RICTOR: variants seen among roughly 807,000 people sequenced by gnomAD.
The protein encoded by RICTOR is RPTOR independent companion of MTOR complex 2, also known as rapamycin-insensitive companion of mTOR.
In RICTOR, 49 loss-of-function variants were observed where a neutral mutation model predicts 214.9. The observed-to-expected ratio is 0.23, with a 90% CI of 0.18 to 0.29. The LOEUF is 0.29. RICTOR is among the 10% of genes least tolerant of loss of function. The probability of loss-of-function intolerance (pLI) is 1.00; values close to 1 mark genes in which losing one functional copy is unlikely to be tolerated. For synonymous variants in RICTOR, 717 were observed against 711.3 expected, an observed-to-expected ratio of 1.01 and a Z score of -0.13; for missense variants, 1,625 against 2,047.0, an observed-to-expected ratio of 0.79 and a Z score of 3.98.
intron 2 of RICTOR, among the ~76,000 whole-genome samples, chr5:39,053,504 T>C (rs1316241052): frequency 1.3e-5 from 2 of 152,170 alleles, no homozygotes; most frequent in Non-Finnish European, 2.9e-5. Context: ...GCTCATGCTA[T>C]AGCCTCTTTA....
At chr5:38,970,078 T>G (rs749347286) in intron 11 of RICTOR, 10 of 152,230 alleles carry the variant, frequency 6.6e-5, no homozygotes, top group Non-Finnish European at 1.3e-4. Flanking sequence ...TACAGTAACA[T>G]GCTATACAGG....
intron 11 of RICTOR, chr5:38,969,895 T>G (rs1750624940): frequency 6.6e-6 from 1 of 152,080 alleles, no homozygotes; most frequent in Non-Finnish European, 1.5e-5. Flanking sequence ...CTCGATCTCC[T>G]GATCTCATGA....
At position 38,945,474 on chromosome 5, in the gene RICTOR, G is replaced by A; in HGVS notation, c.4633+17C>T. The stretch of plus-strand genomic sequence containing the variant: ...GTCATCACTAGGTTTTTCTGAAGGT[G>A]GGACGTGATCACTTACCTGAATGAC... On this transcript the variant is annotated intron_variant, in intron 34 of 37. Coordinates refer to ENST00000357387, the MANE Select transcript of RICTOR (RefSeq NM_152756.5). 6.5e-7 allele frequency: 1 copy of A among 1,528,018 alleles called. No homozygotes were observed. Among genetic ancestry groups the A allele is most frequent in the Non-Finnish European group, 9.0e-7 (1 of 1,105,084 alleles). The allele number at this position is 1,528,018 out of a possible 1,614,324, so 94.7% of individuals were successfully genotyped here.
At position 39,021,982 on chromosome 5, in the gene RICTOR, A is replaced by G. The variant is rs192761529; in HGVS notation, c.98-846T>C. 6.9e-3 allele frequency among the ~76,000 whole-genome samples: 1,056 copies of G among 152,334 alleles called. 13 individuals are homozygous for G. The highest frequency in any genetic ancestry group is 0.023 in the African/African-American group (937 of 41,574). The stretch of plus-strand genomic sequence containing the variant: ...GTTAGACCTAATTTTTCAACTTTAC[A>G]TGGTGCCAAAGCAATACACATTTAG... On this transcript the variant is annotated intron_variant, in intron 2 of 37. Transcript: ENST00000357387.
intron 7 of RICTOR, among the ~76,000 whole-genome samples, chr5:38,988,919 G>A (rs548815636): frequency 1.3e-5 from 2 of 152,198 alleles, no homozygotes; most frequent in South Asian, 2.1e-4. Flanking sequence ...AATCAATATC[G>A]TGAAAATGGC....
chr5:38,951,794 GA>G (rs1440030773), intron 30 of RICTOR, among the ~76,000 whole-genome samples: 7 of 151,916 alleles, frequency 4.6e-5, no homozygotes, highest in Admixed American at 2.0e-4. Flanking sequence ...CAAAAATGAA[GA>G]TGTGAATATA....
chr5:38,987,194 T>C (rs79719897), intron 7 of RICTOR, among the ~76,000 whole-genome samples: 1 of 152,156 alleles, frequency 6.6e-6, no homozygotes, highest in African/African-American at 2.4e-5. Flanking sequence ...TCTTTTTTTG[T>C]TGTGTCTCTG....
chr5:39,051,007 G>C (rs1757797223), intron 2 of RICTOR, among the ~76,000 whole-genome samples: 1 of 150,914 alleles, frequency 6.6e-6, no homozygotes, highest in African/African-American at 2.4e-5. Flanking sequence ...AAGACATATA[G>C]ATGGATAATC....
Position 38,964,841 on chromosome 5 carries a change from T to C in RICTOR, c.1351A>G (p.Thr451Ala). 6.2e-7 allele frequency: 1 copy of C among 1,609,544 alleles called. No homozygotes were observed. The highest frequency in any genetic ancestry group is 1.1e-5 in the South Asian group (1 of 90,764). The change falls in exon 16 of 38, where the codon ACC becomes GCC. Residue 451 changes from threonine (T) to alanine (A), a missense_variant. Around this residue, in one of 5 missense-constraint regions of RICTOR, gnomAD observed 1,214 missense variants for 1,470.5 expected, o/e 0.83. Transcript: ENST00000357387. ...SHSHHLHCLP[T>A]LMNMAASFDI... Reference sequence around the variant, plus strand: ...AAGGATGCAGCCATATTCATTAGGGTTGGCAAGCAGTGTAAATGATGGCTA... The same window carrying C: ...AAGGATGCAGCCATATTCATTAGGGCTGGCAAGCAGTGTAAATGATGGCTA...
intron 10 of RICTOR, among the ~76,000 whole-genome samples, chr5:38,973,170 T>G (rs1218656604): frequency 6.6e-6 from 1 of 152,092 alleles, no homozygotes; most frequent in Non-Finnish European, 1.5e-5. Flanking sequence ...TTCTATATAT[T>G]GAAAAGGGTT....
At chr5:38,968,108 T>C in intron 11 of RICTOR, 78 bp from the exon 12 acceptor site, 1 of 819,294 alleles carries the variant, frequency 1.2e-6, no homozygotes, top group Non-Finnish European at 2.1e-6. Context: ...TTCACATTTT[T>C]TAAAATGATA....
At chr5:39,006,863 T>C (rs1473161130) in intron 3 of RICTOR, among the ~76,000 whole-genome samples, 1 of 151,936 alleles carries the variant, frequency 6.6e-6, no homozygotes, top group African/African-American at 2.4e-5. Flanking sequence ...ACTGCTGATA[T>C]TACAATACTG....
At chr5:38,968,674 G>A (rs1037948687) in intron 11 of RICTOR, among the ~76,000 whole-genome samples, 13 of 151,144 alleles carry the variant, frequency 8.6e-5, no homozygotes, top group Admixed American at 6.6e-5. Context: ...GGAGTTCGAG[G>A]ATGCAGTGAG....
At chr5:38,967,034 G>C in intron 14 of RICTOR, 127 bp downstream of exon 14, 1 of 760,464 alleles carries the variant, frequency 1.3e-6, no homozygotes. Flanking sequence ...CTCCTGGCCT[G>C]AAGTGATCCG....
Position 38,984,833 on chromosome 5 carries a change from G to A in RICTOR, c.584-2797C>T, listed in dbSNP as rs1752031401. Among the ~76,000 whole-genome samples, 5 of 152,126 alleles carry A rather than the reference G, an allele frequency of 3.3e-5. No homozygotes were observed. The South Asian group carries it at 1.0e-3, about 32-fold the overall frequency. ...TGTTGTTGTTGTTGGTGGTGGTGGT[G>A]TTTTGATACAGACTCTCGCTCTATC... On this transcript the variant is annotated intron_variant, in intron 7 of 37. Transcript: ENST00000357387.
In RICTOR at chr5:38,944,395, G is replaced by A. The variant is rs191931719; in HGVS notation, c.4913+51C>T. The stretch of plus-strand genomic sequence containing the variant: ...TGAAGTATTTCAAGTATCTTTTCTC[G>A]ACTTAAAAAACAGAATAAACAAATA... On this transcript the variant is annotated intron_variant, in intron 36 of 37. Coordinates refer to ENST00000357387, the MANE Select transcript of RICTOR (RefSeq NM_152756.5). 102 of 1,554,502 alleles carry A rather than the reference G, an allele frequency of 6.6e-5. 1 individual carries two copies. The East Asian group carries it at 2.1e-3, about 32-fold the overall frequency.
At chr5:39,074,282 G>A in intron 1 of RICTOR, 47 bp downstream of exon 1, 2 of 1,568,134 alleles carry the variant, frequency 1.3e-6, no homozygotes, top group Non-Finnish European at 8.7e-7. Flanking sequence ...AAGTGCCAGG[G>A]GTGGCGGGCG....
chr5:38,945,708 A>G lies in RICTOR; in HGVS notation c.4416T>C (p.Thr1472=). The G allele has an allele frequency of 4.4e-6, 7 of 1,597,738 alleles. 1 individual carries two copies. The highest frequency in any genetic ancestry group is 1.7e-6 in the Non-Finnish European group (2 of 1,165,338). ...AHDAGGLPSG[T]GGLVKNSFHL... is the part of the protein sequence containing the mutation. ...GAAAAGAATTTTTTACAAGACCTCC[A>G]GTTCCAGATGGAAGACCTGTGCATA... The change falls in exon 34 of 38, where the codon ACT becomes ACC. Residue 1472 remains threonine, a synonymous_variant. Transcript: ENST00000357387.
chr5:39,044,211 G>C (rs1329068461), intron 2 of RICTOR, among the ~76,000 whole-genome samples: 1 of 152,068 alleles, frequency 6.6e-6, no homozygotes, highest in Non-Finnish European at 1.5e-5. Context: ...GTGTCAATCT[G>C]TCAAAGATTC....
Sources: allele counts gnomAD v4.1 joint callset (sites outside exome capture counted in the v4.1 genomes callset), GRCh38; gene constraint gnomAD v4.1.1; regional missense constraint gnomAD v4.1.1; transcripts MANE v1.5; gene names NCBI Gene and HGNC (gene_info 2026-07-23, HGNC 2026-07-21).